Variants in FAP observed in about 807,000 individuals in gnomAD.
FAP encodes fibroblast activation protein alpha.
FAP carries 110 observed loss-of-function variants against 126.5 expected under a neutral mutation model. The ratio of observed to expected loss-of-function variants is 0.87; its 90% CI spans 0.74 to 1.02. FAP has a LOEUF of 1.02. Among genes scored for constraint, FAP ranks in the 50% least tolerant of loss-of-function variants. FAP has a pLI of 0.00. For synonymous variants in FAP, 334 were observed against 297.3 expected, an observed-to-expected ratio of 1.12 and a Z score of -1.27; for missense variants, 919 against 909.2, an observed-to-expected ratio of 1.01 and a Z score of -0.14.
chr2:162,183,481 A>C lies in FAP; in HGVS notation c.1815-13T>G, dbSNP rs914105134. ...TTCTATGAATTTTCTAAAGTAAAAG[A>C]AACAAATTTTTAGAATGTTAAGTGT... On this transcript the variant is annotated splice_polypyrimidine_tract_variant and intron_variant, in intron 20 of 25. Coordinates refer to ENST00000188790, the MANE Select transcript of FAP (RefSeq NM_004460.5). 2.6e-6 allele frequency: 4 copies of C among 1,550,642 alleles called. No individual in the cohort carries two copies. Among genetic ancestry groups the C allele is most frequent in the Non-Finnish European group, 3.6e-6 (4 of 1,124,060 alleles).
chr2:162,194,720 A>G lies in FAP; in HGVS notation c.1431T>C (p.His477=), dbSNP rs753837553. The G allele has an allele frequency of 3.7e-6, 6 of 1,613,706 alleles. No homozygotes were observed. The highest frequency in any genetic ancestry group is 5.1e-6 in the Non-Finnish European group (6 of 1,179,730). Residue 477 remains histidine (H), a synonymous_variant, in exon 17 of 26, where the codon CAT becomes CAC. Transcript: ENST00000188790. ...GAGTACCTTGATCAGTGCGTCCATC[A>G]TGAAGGGTGGAAATGGGGATGCCTG... ...YGPGIPISTL[H]DGRTDQEIKI...
At chr2:162,191,376 A>G (rs574775384) in intron 17 of FAP, among the ~76,000 whole-genome samples, 2 of 152,210 alleles carry the variant, frequency 1.3e-5, no homozygotes, top group East Asian at 3.9e-4. Context: ...CTCTTGGAGC[A>G]CAAACAGAAT....
At chr2:162,180,749 A>G (rs1298447537) in intron 21 of FAP, among the ~76,000 whole-genome samples, 1 of 152,202 alleles carries the variant, frequency 6.6e-6, no homozygotes, top group Non-Finnish European at 1.5e-5. Context: ...TTGTTTTAAA[A>G]TAGGCTTTAA....
intron 20 of FAP, among the ~76,000 whole-genome samples, chr2:162,184,212 A>AT (rs376279190): frequency 3.3e-5 from 5 of 152,242 alleles, no homozygotes; most frequent in Non-Finnish European, 7.4e-5. Flanking sequence ...GATTGGTTTG[A>AT]TAAAAACTCA....
At chr2:162,233,170 A>T (rs1689969314) in intron 2 of FAP, among the ~76,000 whole-genome samples, 1 of 152,060 alleles carries the variant, frequency 6.6e-6, no homozygotes, top group Non-Finnish European at 1.5e-5. Context: ...AGCACTTCAA[A>T]ATCAATATGT....
rs767493685 is a variant in FAP, at chr2:162,215,977, GAAC to G, written c.784_786del (p.Val262del). On this transcript the variant is annotated inframe_deletion, in exon 10 of 26. Transcript: ENST00000188790. Reference sequence around the variant, plus strand: ...TAAGTGGTATCGATAATAAATATCCGAACAACGGGATTCTTAGCTCCAGCCTGC... The same window carrying G: ...TAAGTGGTATCGATAATAAATATCCGAACGGGATTCTTAGCTCCAGCCTGC... 3.7e-6 allele frequency: 6 copies of G among 1,613,874 alleles called. No individual in the cohort carries two copies.
chr2:162,216,062 G>T, intron 9 of FAP, 61 bp from the exon 10 acceptor site: 2 of 1,185,482 alleles, frequency 1.7e-6, no homozygotes, highest in Non-Finnish European at 1.2e-6. Context: ...ACATTTTAAA[G>T]AAACTTTAGG....
chr2:162,240,525 G>T (rs370496513), intron 2 of FAP, among the ~76,000 whole-genome samples: 2 of 152,168 alleles, frequency 1.3e-5, no homozygotes, highest in African/African-American at 4.8e-5. Context: ...CTTGCAGAGG[G>T]AATTCTAGAC....
intron 21 of FAP, among the ~76,000 whole-genome samples, chr2:162,180,856 G>T (rs1489872230): frequency 6.6e-6 from 1 of 152,168 alleles, no homozygotes; most frequent in East Asian, 1.9e-4. Flanking sequence ...CAGAAGAGAG[G>T]TGTGTGCTGG....
chr2:162,172,581 T>C (rs140547911), intron 25 of FAP: 128 of 456,084 alleles, frequency 2.8e-4, no homozygotes, highest in African/African-American at 2.2e-3. Flanking sequence ...TCTTGTGAAC[T>C]CCTTTATTTT....
At chr2:162,174,556 T>C (rs546382500) in intron 22 of FAP, among the ~76,000 whole-genome samples, 9 of 152,290 alleles carry the variant, frequency 5.9e-5, no homozygotes, top group African/African-American at 1.9e-4. Flanking sequence ...AAGCCAATTA[T>C]GCTGTAGCTG....
Position 162,242,922 on chromosome 2 carries a change from A to G in FAP, c.77T>C (p.Leu26Ser). The G allele has an allele frequency of 1.2e-6, 2 of 1,612,906 alleles. No individual in the cohort carries two copies. Among genetic ancestry groups the G allele is most frequent in the Non-Finnish European group, 1.7e-6 (2 of 1,179,238 alleles). ...VLALLVMCIVLRPSRVHNSEE... is the reference protein window; with the variant it reads ...VLALLVMCIVSRPSRVHNSEE... ...AAAGTTCTTACCTCTTGAAGGGCGTAAGACAATGCACATCACCAATAAGGC... is the reference window on the plus strand; with the variant it reads ...AAAGTTCTTACCTCTTGAAGGGCGTGAGACAATGCACATCACCAATAAGGC... Residue 26 changes from leucine (L) to serine (S), a missense_variant, in exon 2 of 26, where the codon TTA becomes TCA. Transcript: ENST00000188790.
chr2:162,224,418 G>T, intron 5 of FAP, 48 bp downstream of exon 5: 1 of 1,134,144 alleles, frequency 8.8e-7, no homozygotes, highest in South Asian at 1.4e-5. Context: ...CCACCTTGTG[G>T]ATTAGTAGGA....
chr2:162,209,255 T>C (rs1688831526), intron 12 of FAP, among the ~76,000 whole-genome samples: 1 of 152,154 alleles, frequency 6.6e-6, no homozygotes, highest in Non-Finnish European at 1.5e-5. Flanking sequence ...TTGAATTGAA[T>C]TATGTGTTTG....
intron 2 of FAP, among the ~76,000 whole-genome samples, chr2:162,229,156 AC>A (rs1370267692): frequency 1.3e-5 from 2 of 152,068 alleles, no homozygotes; most frequent in Non-Finnish European, 2.9e-5. Flanking sequence ...AATTTTCCTT[AC>A]TTGTGTTATG....
chr2:162,200,591 A>T lies in FAP; in HGVS notation c.1252T>A (p.Tyr418Asn). 6.8e-7 allele frequency: 1 copy of T among 1,471,274 alleles called. No individual in the cohort carries two copies. The highest frequency in any genetic ancestry group is 9.3e-7 in the Non-Finnish European group (1 of 1,075,022). The allele number at this position is 1,471,274 out of a possible 1,614,324, so 91.1% of individuals were successfully genotyped here. ...CTGTAGATGTTTCTTCTTCCAGGGTATTCTTCAAATTCATTGCTAGAATAA... is the reference window on the plus strand; with the variant it reads ...CTGTAGATGTTTCTTCTTCCAGGGTTTTCTTCAAATTCATTGCTAGAATAA... ...LFYSSNEFEE[Y>N]PGRRNIYRIS... Residue 418 changes from tyrosine (Y) to asparagine (N), a missense_variant, in exon 15 of 26, where the codon TAC (tyrosine) becomes AAC (asparagine). By Grantham distance (143) the Tyr-to-Asn change is moderately radical (BLOSUM62 -2). Coordinates refer to ENST00000188790, the MANE Select transcript of FAP (RefSeq NM_004460.5).
intron 3 of FAP, 36 bp downstream of exon 3, chr2:162,226,487 A>AT (rs755476794): frequency 2.6e-6 from 3 of 1,148,802 alleles, no homozygotes; most frequent in African/African-American, 3.1e-5. Context: ...AACAAAATAC[A>AT]TAAAAAAAAC....
At chr2:162,188,685 C>T (rs1230328719) in intron 19 of FAP, among the ~76,000 whole-genome samples, 2 of 152,080 alleles carry the variant, frequency 1.3e-5, no homozygotes, top group Admixed American at 1.3e-4. Flanking sequence ...AAAAAAAATG[C>T]ATGGTGTTTT....
At position 162,219,928 on chromosome 2, in the gene FAP, A is replaced by T; in HGVS notation, c.414-3T>A. The T allele has an allele frequency of 6.2e-7, 1 of 1,604,240 alleles. No homozygotes were observed. Among genetic ancestry groups the T allele is most frequent in the Non-Finnish European group, 8.5e-7 (1 of 1,171,746 alleles). Reference sequence around the variant, plus strand: ...GCTCATTTCCTCTTACAAATTCTCTAGAAGGAAAGAAAGAAAGAAAAACAA... The same window carrying T: ...GCTCATTTCCTCTTACAAATTCTCTTGAAGGAAAGAAAGAAAGAAAAACAA... On this transcript the variant is annotated splice_region_variant and splice_polypyrimidine_tract_variant and intron_variant, in intron 6 of 25. Coordinates refer to ENST00000188790, the MANE Select transcript of FAP (RefSeq NM_004460.5).
Sources: allele counts gnomAD v4.1 joint callset (sites outside exome capture counted in the v4.1 genomes callset), GRCh38; gene constraint gnomAD v4.1.1; transcripts MANE v1.5; gene names NCBI Gene and HGNC (gene_info 2026-07-23, HGNC 2026-07-21).